Variants in CDH26 observed in about 807,000 individuals in gnomAD.
The protein encoded by CDH26 is cadherin-like protein 26.
A neutral mutation model predicts 90.3 loss-of-function variants in CDH26; 83 were observed. The ratio of observed to expected loss-of-function variants is 0.92; its 90% CI spans 0.77 to 1.10. The LOEUF (loss-of-function observed/expected upper bound fraction) is 1.10. CDH26 is among the 50% of genes least tolerant of loss of function. The pLI, the probability that CDH26 is intolerant of heterozygous loss-of-function variation, is 0.00. For missense variants in CDH26, 1,013 were observed against 1,037.6 expected, an observed-to-expected ratio of 0.98 and a Z score of 0.33; for synonymous variants, 397 against 396.3, an observed-to-expected ratio of 1.00 and a Z score of -0.02.
chr20:60,032,993 TATA>T (rs1345402228), intron 8 of CDH26, among the ~76,000 whole-genome samples: 2 of 151,044 alleles, frequency 1.3e-5, no homozygotes, highest in Non-Finnish European at 2.9e-5. Context: ...AAACTTAAAG[TATA>T]ATAATAAAAA....
chr20:59,967,927 TC>T (rs551704975), intron 1 of CDH26, among the ~76,000 whole-genome samples: 1 of 136,460 alleles, frequency 7.3e-6, no homozygotes, highest in African/African-American at 3.0e-5. Flanking sequence ...TCCTTTCCTT[TC>T]CTTTCCCTTT....
chr20:60,011,699 C>G (rs75368567), intron 17 of CDH26, among the ~76,000 whole-genome samples: 3,201 of 152,270 alleles, frequency 0.021, 107 homozygotes, highest in African/African-American at 0.065. Flanking sequence ...TATCCCCTGG[C>G]TTGTAGCCGG....
chr20:60,014,842 T>C (rs1442402422), downstream of CDH26, among the ~76,000 whole-genome samples: 1 of 152,220 alleles, frequency 6.6e-6, no homozygotes, highest in Non-Finnish European at 1.5e-5. Flanking sequence ...AATTATATTG[T>C]AGTTCTATTT....
At chr20:60,003,489 G>A (rs1214735182) in intron 16 of CDH26, among the ~76,000 whole-genome samples, 1 of 152,084 alleles carries the variant, frequency 6.6e-6, no homozygotes, top group Non-Finnish European at 1.5e-5. Context: ...AGAAAATTTT[G>A]ATATATACCA....
At chr20:59,981,246 T>G (rs963605068) in intron 4 of CDH26, among the ~76,000 whole-genome samples, 1 of 152,182 alleles carries the variant, frequency 6.6e-6, no homozygotes, top group Admixed American at 6.5e-5. Flanking sequence ...AATTTTCAGA[T>G]CAGCTTGTTG....
chr20:59,998,616 A>G (rs1054365699), intron 13 of CDH26, among the ~76,000 whole-genome samples: 13 of 152,214 alleles, frequency 8.5e-5, no homozygotes, highest in African/African-American at 3.1e-4. Context: ...TCACAGCTAA[A>G]GGCACATCTC....
intron 4 of CDH26, among the ~76,000 whole-genome samples, chr20:59,973,094 A>C (rs1379927543): frequency 1.3e-5 from 2 of 152,198 alleles, no homozygotes; most frequent in Non-Finnish European, 2.9e-5. Flanking sequence ...TAAAAAGAAG[A>C]GTAGTCATAA....
At chr20:60,035,869 A>T (rs776684566), downstream of CDH26, among the ~76,000 whole-genome samples, 1 of 151,980 alleles carries the variant, frequency 6.6e-6, no homozygotes, top group Non-Finnish European at 1.5e-5. Flanking sequence ...CATGATTGTA[A>T]GTTTCCCGAG....
At chr20:59,976,492 G>C (rs2061329724) in intron 4 of CDH26, among the ~76,000 whole-genome samples, 1 of 152,182 alleles carries the variant, frequency 6.6e-6, no homozygotes. Context: ...CACACAAGTG[G>C]TTCTTTTTTT....
intron 7 of CDH26, among the ~76,000 whole-genome samples, chr20:60,021,897 C>CACACACACACACACACAT (rs1295572684): frequency 0.099 from 7,765 of 78,280 alleles, 1,163 homozygotes; most frequent in Non-Finnish European, 0.13. Context: ...CACACACACA[C>CACACACACACACACACAT]ATATATATAT....
At chr20:60,001,639 T>C (rs551786767) in intron 15 of CDH26, 1 of 981,462 alleles carries the variant, frequency 1.0e-6, no homozygotes, top group South Asian at 4.7e-5. Flanking sequence ...TTGATAATCC[T>C]GATCAAATAT....
At chr20:60,006,669 C>G in intron 16 of CDH26, 44 bp from the exon 17 acceptor site, 1 of 1,453,834 alleles carries the variant, frequency 6.9e-7, no homozygotes, top group Non-Finnish European at 9.7e-7. Context: ...GGGGGTAGGA[C>G]AAGGGCTCTG....
intron 7 of CDH26, among the ~76,000 whole-genome samples, chr20:60,024,954 G>A (rs1286606553): frequency 3.9e-5 from 6 of 152,152 alleles, no homozygotes; most frequent in Admixed American, 2.6e-4. Context: ...GAGCAGGTGC[G>A]CCCTCCTCTG....
chr20:60,026,061 G>A (rs775241195), intron 7 of CDH26, among the ~76,000 whole-genome samples: 9 of 152,118 alleles, frequency 5.9e-5, no homozygotes, highest in African/African-American at 1.2e-4. Flanking sequence ...TGCATGGCCC[G>A]AAAAAGGCTT....
At chr20:59,972,170 C>T in intron 4 of CDH26, 47 bp downstream of exon 4, 4 of 1,561,628 alleles carry the variant, frequency 2.6e-6, no homozygotes, top group Non-Finnish European at 3.5e-6. Flanking sequence ...AAAGCTCTTG[C>T]AAGACTGTTG....
At chr20:60,027,308 T>C (rs983496949) in intron 7 of CDH26, among the ~76,000 whole-genome samples, 1 of 152,154 alleles carries the variant, frequency 6.6e-6, no homozygotes, top group Non-Finnish European at 1.5e-5. Context: ...TCCCTCGATA[T>C]AGAAAAGTTG....
At chr20:59,996,149 G>A (rs1224694198) in intron 12 of CDH26, 95 bp downstream of exon 12, 3 of 1,275,830 alleles carry the variant, frequency 2.4e-6, no homozygotes, top group East Asian at 5.0e-5. Context: ...GACAGCGGTG[G>A]CAGGATTGGT....
In CDH26 at chr20:60,001,305, T is replaced by C. The variant is rs762968020; in HGVS notation, c.2098-38T>C. 5 of 1,612,230 alleles carry C rather than the reference T, an allele frequency of 3.1e-6. No individual in the cohort carries two copies. The African/African-American group carries it at 6.7e-5, about 22-fold the overall frequency. On this transcript the variant is annotated intron_variant, in intron 14 of 17. Coordinates refer to ENST00000348616, the MANE Select transcript of CDH26 (RefSeq NM_177980.4). ...CACTTTGTTTCCAGCTGGAGAGAAA[T>C]CCATTCTCTTTTGAGTAAATCAGCA...
intron 1 of CDH26, among the ~76,000 whole-genome samples, chr20:59,962,956 T>G (rs542421341): frequency 6.6e-6 from 1 of 152,304 alleles, no homozygotes. Context: ...ATGTAGGATT[T>G]GAGTTGCTTG....
Sources: allele counts gnomAD v4.1 joint callset (sites outside exome capture counted in the v4.1 genomes callset), GRCh38; gene constraint gnomAD v4.1.1; transcripts MANE v1.5; gene names NCBI Gene and HGNC (gene_info 2026-07-23, HGNC 2026-07-21).